DZIP3: variants seen among roughly 807,000 people sequenced by gnomAD.
DZIP3 encodes DAZ interacting zinc finger protein 3, also known as E3 ubiquitin-protein ligase DZIP3.
Under a neutral mutation model 162.0 loss-of-function variants are expected in DZIP3, and 118 were observed. The observed-to-expected ratio is 0.73, with a 90% CI of 0.63 to 0.85. The LOEUF (loss-of-function observed/expected upper bound fraction) is 0.85, where lower values mean the gene tolerates loss of function less well. Among genes scored for constraint, DZIP3 ranks in the 40% least tolerant of loss-of-function variants. DZIP3 has a pLI of 0.00. For missense variants in DZIP3, 1,331 were observed against 1,407.0 expected (o/e 0.95, Z 0.86); for synonymous variants, 438 against 458.6 (o/e 0.96, Z 0.57).
intron 18 of DZIP3, among the ~76,000 whole-genome samples, chr3:108,653,921 A>G (rs1015391410): frequency 3.3e-5 from 5 of 152,126 alleles, no homozygotes; most frequent in African/African-American, 1.2e-4. Flanking sequence ...GAACAGAATT[A>G]AACAGGTACC....
chr3:108,638,505 G>C (rs1942256873), intron 12 of DZIP3, among the ~76,000 whole-genome samples: 1 of 152,094 alleles, frequency 6.6e-6, no homozygotes, highest in Non-Finnish European at 1.5e-5. Context: ...TTTTAGTAGA[G>C]ATAGGGTTTC....
chr3:108,644,655 G>C lies in DZIP3; in HGVS notation c.1633G>C (p.Glu545Gln), dbSNP rs1197076860. Residue 545 changes from glutamate to glutamine, a missense_variant, in exon 14 of 33, where the codon GAG becomes CAG. By Grantham distance (29) the Glu-to-Gln change is conservative (BLOSUM62 2). Coordinates refer to ENST00000361582, the MANE Select transcript of DZIP3 (RefSeq NM_014648.4). ...DILLRLGMMQ[E>Q]DIDKVKENPI... ...TCTTCTGCGCCTTGGGATGATGCAA[G>C]AGGATATTGACAAAGTGAAGGAGAA... 3 of 1,613,914 alleles carry C rather than the reference G, an allele frequency of 1.9e-6. No homozygotes were observed. The highest frequency in any genetic ancestry group is 1.1e-5 in the South Asian group (1 of 91,086).
intron 1 of DZIP3, among the ~76,000 whole-genome samples, chr3:108,601,740 A>G (rs1332934439): frequency 6.6e-6 from 1 of 152,050 alleles, no homozygotes; most frequent in Admixed American, 6.6e-5. Flanking sequence ...ATAGAGATTG[A>G]CCCTTCTGGT....
At chr3:108,658,452 G>C (rs1483153583) in intron 19 of DZIP3, among the ~76,000 whole-genome samples, 1 of 152,118 alleles carries the variant, frequency 6.6e-6, no homozygotes, top group South Asian at 2.1e-4. Flanking sequence ...CGAGAACAAA[G>C]ACACAACATA....
At chr3:108,633,432 T>A (rs1262195994) in intron 9 of DZIP3, among the ~76,000 whole-genome samples, 1 of 151,954 alleles carries the variant, frequency 6.6e-6, no homozygotes, top group African/African-American at 2.4e-5. Flanking sequence ...TGGTAGCATT[T>A]TACTAAGGAG....
intron 3 of DZIP3, 51 bp downstream of exon 3, chr3:108,608,209 A>G (rs753558787): frequency 7.2e-7 from 1 of 1,394,714 alleles, no homozygotes; most frequent in Non-Finnish European, 1.0e-6. Flanking sequence ...ATAATTAATT[A>G]TATATGCAAA....
intron 21 of DZIP3, among the ~76,000 whole-genome samples, chr3:108,666,593 C>G (rs1943688334): frequency 6.6e-6 from 1 of 152,150 alleles, no homozygotes; most frequent in East Asian, 1.9e-4. Context: ...AATACACATG[C>G]TTTCAAGTGA....
intron 26 of DZIP3, among the ~76,000 whole-genome samples, chr3:108,679,638 T>C (rs1019829851): frequency 3.9e-5 from 6 of 152,116 alleles, no homozygotes; most frequent in African/African-American, 1.4e-4. Flanking sequence ...ATTGAGATGG[T>C]ACCTACAATG....
intron 21 of DZIP3, among the ~76,000 whole-genome samples, chr3:108,667,035 G>A (rs536439077): frequency 6.6e-6 from 1 of 151,884 alleles, no homozygotes; most frequent in African/African-American, 2.4e-5. Context: ...TAGAAATAAT[G>A]GGAGCAGGAT....
At chr3:108,610,184 G>A (rs1940623163) in intron 3 of DZIP3, among the ~76,000 whole-genome samples, 1 of 152,074 alleles carries the variant, frequency 6.6e-6, no homozygotes, top group Non-Finnish European at 1.5e-5. Context: ...AAAATCTAAG[G>A]TATATTTGTG....
chr3:108,669,649 A>C (rs1187294313), intron 21 of DZIP3, 32 bp from the exon 22 acceptor site: 2 of 1,596,194 alleles, frequency 1.3e-6, no homozygotes, highest in East Asian at 4.5e-5. Flanking sequence ...ATAATTTCTA[A>C]CATCTTTTGA....
In DZIP3 at chr3:108,675,815, C is replaced by T. The variant is rs147602420; in HGVS notation, c.2723C>T (p.Ala908Val). The T allele has an allele frequency of 1.7e-5, 28 of 1,609,002 alleles. No individual in the cohort carries two copies. The highest frequency in any genetic ancestry group is 1.1e-4 in the East Asian group (5 of 44,632). The change falls in exon 25 of 33, where the codon GCG (alanine) becomes GTG (valine). Residue 908 changes from alanine to valine, a missense_variant. Around this residue, in one of 2 missense-constraint regions of DZIP3, gnomAD observed 1,278 missense variants for 1,317.1 expected, o/e 0.97. Transcript: ENST00000361582. Reference protein sequence around the residue: ...SNLESLQLKAAVDSWNAIVAD... With the variant: ...SNLESLQLKAVVDSWNAIVAD... ...CTAGAATCACTTCAATTAAAGGCTG[C>T]GGTAGACAGTTGGAATGCCATTGTG...
chr3:108,684,183 G>A, intron 26 of DZIP3, 33 bp from the exon 27 acceptor site: 1 of 1,568,154 alleles, frequency 6.4e-7, no homozygotes, highest in Non-Finnish European at 8.6e-7. Context: ...GGGGGGGGGT[G>A]TTGTTTATTA....
At position 108,644,593 on chromosome 3, in the gene DZIP3, C is replaced by T. The variant is rs1378783606; in HGVS notation, c.1571C>T (p.Ser524Leu). Residue 524 changes from serine to leucine, a missense_variant, in exon 14 of 33, where the codon TCA (serine) becomes TTA (leucine). Transcript: ENST00000361582. Reference protein sequence around the residue: ...SEILMNGLTESQFNSIWKKVS... With the variant: ...SEILMNGLTELQFNSIWKKVS... ...ATTTTGATGAATGGTCTCACTGAGT[C>T]ACAGTTCAATTCAATTTGGAAAAAA... The T allele has an allele frequency of 6.8e-6, 11 of 1,614,048 alleles. No individual in the cohort carries two copies. Among genetic ancestry groups the T allele is most frequent in the Non-Finnish European group, 8.5e-6 (10 of 1,179,956 alleles).
In DZIP3 at chr3:108,688,718, G is replaced by A; in HGVS notation, c.3396G>A (p.Trp1132Ter). Residue 1132 changes from tryptophan (W) to a stop codon, truncating the protein, a stop_gained, in exon 30 of 33, where the codon TGG (tryptophan) becomes TGA (stop). Coordinates refer to ENST00000361582, the MANE Select transcript of DZIP3 (RefSeq NM_014648.4). LOFTEE classifies it high-confidence loss of function. ...RPLTSQGPAT[W>*]EGASNPDEEE... ...TCACTTCACAGGGTCCTGCCACATG[G>A]GAAGGAGCCAGTAATCCAGTGAGAC... 6.2e-7 allele frequency: 1 copy of A among 1,614,008 alleles called. No individual in the cohort carries two copies. Among genetic ancestry groups the A allele is most frequent in the Non-Finnish European group, 8.5e-7 (1 of 1,179,974 alleles).
intron 1 of DZIP3, among the ~76,000 whole-genome samples, chr3:108,592,725 A>G (rs1939498270): frequency 1.3e-5 from 2 of 150,920 alleles, no homozygotes; most frequent in Non-Finnish European, 2.9e-5. Flanking sequence ...AAAAAAAAAA[A>G]GTATTCAGGT....
intron 10 of DZIP3, among the ~76,000 whole-genome samples, chr3:108,635,581 A>G (rs1487468106): frequency 6.8e-6 from 1 of 147,282 alleles, no homozygotes; most frequent in Non-Finnish European, 1.5e-5. Context: ...CTACATAATT[A>G]TATATAACTA....
intron 24 of DZIP3, among the ~76,000 whole-genome samples, chr3:108,675,091 G>C (rs776862207): frequency 4.0e-5 from 6 of 151,852 alleles, no homozygotes; most frequent in Non-Finnish European, 5.9e-5. Flanking sequence ...AAATTGTTGG[G>C]CTGGGTGATA....
intron 8 of DZIP3, among the ~76,000 whole-genome samples, chr3:108,632,398 T>G (rs1044773423): frequency 6.6e-6 from 1 of 152,148 alleles, no homozygotes; most frequent in Non-Finnish European, 1.5e-5. Flanking sequence ...AGCCACCACT[T>G]CTGGCCATTT....
Sources: gnomAD v4.1 joint callset for allele counts (sites outside exome capture counted in the v4.1 genomes callset) on GRCh38, gnomAD v4.1.1 for gene constraint, gnomAD v4.1.1 regional missense constraint, MANE v1.5 for transcripts, NCBI Gene and HGNC (gene_info 2026-07-23, HGNC 2026-07-21) for gene names.